Variants in BOK observed in about 807,000 individuals in gnomAD.
BOK encodes BCL2 family apoptosis regulator BOK.
A neutral mutation model predicts 18.3 loss-of-function variants in BOK; 20 were observed. The ratio of observed to expected loss-of-function variants is 1.09; its 90% CI spans 0.77 to 1.59. BOK has a LOEUF of 1.59. BOK is among the 40% of genes most tolerant of loss of function. BOK has a pLI of 0.00. For missense variants in BOK, 348 were observed against 307.9 expected, an observed-to-expected ratio of 1.13 and a Z score of -0.97; for synonymous variants, 173 against 142.4, an observed-to-expected ratio of 1.21 and a Z score of -1.53.
chr2:241,557,892 G>T (rs1292558178), upstream of BOK, among the ~76,000 whole-genome samples: 1 of 152,148 alleles, frequency 6.6e-6, no homozygotes, highest in African/African-American at 2.4e-5. Flanking sequence ...TAAGGTCCAT[G>T]ATATGGTCTA....
chr2:241,561,520 C>T (rs369006357), intron 2 of BOK, among the ~76,000 whole-genome samples: 1 of 15,114 alleles, frequency 6.6e-5, no homozygotes, highest in Non-Finnish European at 1.5e-4. Flanking sequence ...CGTGGCAGTG[C>T]GGGTGGCCCA....
intron 2 of BOK, chr2:241,560,003 C>G (rs910056676): frequency 2.2e-6 from 2 of 907,220 alleles, no homozygotes; most frequent in African/African-American, 1.8e-5. Context: ...CACAGTGACC[C>G]TTGTTCTCAG....
rs1401531904 is a variant in BOK at position 241,562,950 on chromosome 2, T to G, written c.349+474T>G. Among the ~76,000 whole-genome samples, 1 of 152,110 alleles carries G rather than the reference T, an allele frequency of 6.6e-6. No homozygotes were observed. The highest frequency in any genetic ancestry group is 1.5e-5 in the Non-Finnish European group (1 of 68,012). ...AGGATATACCCTCAGAAGTCACGGG[T>G]AACTCTGCTGGATTCTGATGGTCAG... is the stretch of plus-strand genomic sequence containing the variant. On this transcript the variant is annotated intron_variant, in intron 3 of 4. Coordinates refer to ENST00000318407, the MANE Select transcript of BOK (RefSeq NM_032515.5). The surrounding 1 kb of genome is among the most constrained non-coding windows in gnomAD (Gnocchi z 4.5).
At chr2:241,559,343 C>G in intron 1 of BOK, 112 bp from the exon 2 acceptor site, 1 of 548,718 alleles carries the variant, frequency 1.8e-6, no homozygotes, top group Non-Finnish European at 2.7e-6. Context: ...AAAACGAGAG[C>G]GGACCCGGCG....
At chr2:241,564,559 G>A (rs1181989956) in intron 3 of BOK, among the ~76,000 whole-genome samples, 7 of 152,062 alleles carry the variant, frequency 4.6e-5, no homozygotes, top group Non-Finnish European at 1.0e-4. Context: ...CAGGTGGTGT[G>A]GCTCAGGGGC....
chr2:241,566,130 C>A (rs1020617327), intron 3 of BOK, among the ~76,000 whole-genome samples: 1 of 150,612 alleles, frequency 6.6e-6, no homozygotes, highest in African/African-American at 2.4e-5. Context: ...AATAAAAATA[C>A]AAAATTGGCC....
rs1360934885 is a variant in BOK, at chr2:241,559,596, A to G, written c.113A>G (p.Tyr38Cys). Residue 38 changes from tyrosine to cysteine, a missense_variant, in exon 2 of 5, where the codon TAC becomes TGC. Transcript: ENST00000318407. The stretch of plus-strand genomic sequence containing the variant: ...CAGGCCAAGGCGCTGGGCCGGGAGT[A>G]CGTGCACGCGCGGCTGCTGCGCGCC... ...VAQAKALGREYVHARLLRAGL... is the reference protein window; with the variant it reads ...VAQAKALGRECVHARLLRAGL... 6.7e-7 allele frequency: 1 copy of G among 1,498,850 alleles called. No individual in the cohort carries two copies. The highest frequency in any genetic ancestry group is 8.8e-7 in the Non-Finnish European group (1 of 1,131,928). 92.8% of individuals were successfully genotyped at this position (1,498,850 alleles called of 1,614,324 possible).
chr2:241,564,045 G>A (rs1450526959), intron 3 of BOK, among the ~76,000 whole-genome samples: 2 of 152,264 alleles, frequency 1.3e-5, no homozygotes, highest in African/African-American at 4.8e-5. Flanking sequence ...GGGGCTGCGA[G>A]CATTTTCTGA....
At chr2:241,553,851 AG>A (rs1183250039), upstream of BOK, among the ~76,000 whole-genome samples, 1 of 152,192 alleles carries the variant, frequency 6.6e-6, no homozygotes, top group African/African-American at 2.4e-5. Context: ...CTCTACCCCA[AG>A]GGGTACCCCT....
intron 3 of BOK, among the ~76,000 whole-genome samples, chr2:241,564,363 C>T (rs965194304): frequency 6.6e-6 from 1 of 152,200 alleles, no homozygotes; most frequent in Non-Finnish European, 1.5e-5. Context: ...GGCCTCAGAG[C>T]CTGGACTCTG....
intron 2 of BOK, chr2:241,560,386 T>C: frequency 1.3e-6 from 1 of 765,622 alleles, no homozygotes; most frequent in Non-Finnish European, 1.6e-6. Context: ...ATGGGGCGCC[T>C]GTGGCTGAGC....
At position 241,562,180 on chromosome 2, in the gene BOK, A is replaced by C. The variant is rs140820599; in HGVS notation, c.221-168A>C. ...AGGGGCCAAGGTTGGGGGATGGCCC[A>C]AGGGAGGTCAGATGGGGTCAAGTGG... is the stretch of plus-strand genomic sequence containing the variant. On this transcript the variant is annotated intron_variant, in intron 2 of 4. Coordinates refer to ENST00000318407, the MANE Select transcript of BOK (RefSeq NM_032515.5). This position sits in a 1 kb window ranked among gnomAD's most constrained non-coding sequence, Gnocchi z 4.5. Among the ~76,000 whole-genome samples the C allele has an allele frequency of 1.8e-4, 27 of 152,322 alleles. No individual in the cohort carries two copies. Among genetic ancestry groups the C allele is most frequent in the Non-Finnish European group, 3.5e-4 (24 of 68,022 alleles).
rs1431716192 is a variant in BOK at position 241,572,226 on chromosome 2, G to C, written c.514-71G>C. ...GCTGATATTCTGGTGCACGGTGCTG[G>C]GGGGCCTGGCGGTGCTGGGGGCCTG... On this transcript the variant is annotated intron_variant, in intron 4 of 4. Coordinates refer to ENST00000318407, the MANE Select transcript of BOK (RefSeq NM_032515.5). The C allele has an allele frequency of 3.9e-5, 62 of 1,584,286 alleles. No individual in the cohort carries two copies. In the Admixed American group the frequency reaches 1.1e-3, roughly 27 times the overall value.
chr2:241,568,154 T>A (rs1324707882), intron 3 of BOK, among the ~76,000 whole-genome samples: 2 of 152,146 alleles, frequency 1.3e-5, no homozygotes, highest in Admixed American at 1.3e-4. Flanking sequence ...ATTTTTTCAC[T>A]CTATTGCCCA....
intron 3 of BOK, among the ~76,000 whole-genome samples, chr2:241,569,220 TC>T (rs1279960908): frequency 2.0e-5 from 3 of 152,108 alleles, no homozygotes; most frequent in African/African-American, 4.8e-5. Flanking sequence ...AACCTCCGCC[TC>T]CCCGGGTTCA....
rs370929675 is a variant in BOK at position 241,564,924 on chromosome 2, A to G, written c.349+2448A>G. On this transcript the variant is annotated intron_variant, in intron 3 of 4. Coordinates refer to ENST00000318407, the MANE Select transcript of BOK (RefSeq NM_032515.5). ...TTCGGCAGGGAGAGAGGATGGGGCC[A>G]GGATGCCCCTACCCGCCCGGCCTTG... Among the ~76,000 whole-genome samples the G allele has an allele frequency of 6.7e-3, 1,016 of 152,264 alleles. 15 individuals are homozygous for G. Among genetic ancestry groups the G allele is most frequent in the African/African-American group, 0.023 (961 of 41,562 alleles).
rs1052818671 is a variant in BOK, at chr2:241,574,001, T to C, written c.*1579T>C. On this transcript the variant is annotated 3_prime_UTR_variant, in exon 5 of 5. Coordinates refer to ENST00000318407, the MANE Select transcript of BOK (RefSeq NM_032515.5). The stretch of plus-strand genomic sequence containing the variant: ...CCTGAGCCCTCCCGGCCAGGCTTCG[T>C]GCTGGGGTGGGCCATGTGCCAGGAC... 1 of 152,292 alleles carries C rather than the reference T, an allele frequency of 6.6e-6. No homozygotes were observed. Among genetic ancestry groups the C allele is most frequent in the Non-Finnish European group, 1.5e-5 (1 of 68,114 alleles). The allele number at this position is 152,292 out of a possible 1,614,324, so 9.4% of individuals were successfully genotyped here. A position where few individuals can be genotyped will look rare whatever the true frequency, so the allele number is the denominator to read the frequency against.
upstream of BOK, among the ~76,000 whole-genome samples, chr2:241,557,931 G>A (rs900333314): frequency 6.6e-6 from 1 of 152,156 alleles, no homozygotes; most frequent in Admixed American, 6.6e-5. Context: ...GTGCACATGG[G>A]AAGAATAAGT....
At chr2:241,556,216 T>A (rs2066449058), upstream of BOK, among the ~76,000 whole-genome samples, 1 of 152,192 alleles carries the variant, frequency 6.6e-6, no homozygotes, top group Non-Finnish European at 1.5e-5. Context: ...ACCCTCAGAT[T>A]TTACTGTACT....
Sources: gnomAD v4.1 joint callset for allele counts (sites outside exome capture counted in the v4.1 genomes callset) on GRCh38, gnomAD v4.1.1 for gene constraint, Gnocchi (gnomAD v3.1) non-coding constraint, MANE v1.5 for transcripts, NCBI Gene and HGNC (gene_info 2026-07-23, HGNC 2026-07-21) for gene names.